The following NEIL3 variants were observed in gnomAD, a reference collection of about 807,000 sequenced individuals.
NEIL3 encodes the protein endonuclease 8-like 3.
In NEIL3, 48 loss-of-function variants were observed where a neutral mutation model predicts 57.5. The ratio of observed to expected loss-of-function variants is 0.83; its 90% CI spans 0.66 to 1.06. NEIL3 has a LOEUF of 1.06. Ranked by LOEUF, NEIL3 falls within the 50% of genes least tolerant of loss-of-function variation. The pLI, the probability that NEIL3 is intolerant of heterozygous loss-of-function variation, is 0.00. For synonymous variants in NEIL3, 261 were observed against 253.2 expected, an observed-to-expected ratio of 1.03 and a Z score of -0.29; for missense variants, 717 against 739.1, an observed-to-expected ratio of 0.97 and a Z score of 0.35.
At chr4:177,367,147 C>T (rs1198331873), downstream of NEIL3, among the ~76,000 whole-genome samples, 1 of 152,128 alleles carries the variant, frequency 6.6e-6, no homozygotes, top group Non-Finnish European at 1.5e-5. Context: ...CTCAGTATTG[C>T]CCTCAGTTGA....
At position 177,353,622 on chromosome 4, in the gene NEIL3, A is replaced by G. The variant is rs1255702136; in HGVS notation, c.1354A>G (p.Thr452Ala). ...ATCCAGCAAAGTAAACATATCACCT[A>G]CAATCAGTTCAGAATCTAAATTATT... ...QPSSKVNISP[T>A]ISSESKLFSP... Residue 452 changes from threonine to alanine, a missense_variant, in exon 8 of 10, where the codon ACA becomes GCA. Transcript: ENST00000264596. 1.9e-6 allele frequency: 3 copies of G among 1,613,740 alleles called. No homozygotes were observed. The highest frequency in any genetic ancestry group is 3.3e-5 in the Admixed American group (2 of 60,008).
At chr4:177,370,483 C>T in the NEIL3 span, among the ~76,000 whole-genome samples, 16 of 152,090 alleles carry the variant, frequency 1.1e-4, no homozygotes, top group Non-Finnish European at 2.1e-4. Context: ...AAATCCTGTA[C>T]TCAAAGGAGG....
chr4:177,326,478 TTTAAA>T (rs1335228643), intron 2 of NEIL3, among the ~76,000 whole-genome samples: 13 of 152,134 alleles, frequency 8.5e-5, no homozygotes, highest in African/African-American at 3.1e-4. Flanking sequence ...TTAAAGTCAG[TTTAAA>T]TTAAGTAGTG....
intron 8 of NEIL3, among the ~76,000 whole-genome samples, chr4:177,358,864 T>TA (rs1735543558): frequency 6.6e-6 from 1 of 152,202 alleles, no homozygotes; most frequent in African/African-American, 2.4e-5. Context: ...AAATAATATA[T>TA]AAAACTGTTT....
chr4:177,321,694 GA>G (rs1578988542), intron 1 of NEIL3, among the ~76,000 whole-genome samples: 1 of 152,152 alleles, frequency 6.6e-6, no homozygotes, highest in Non-Finnish European at 1.5e-5. Context: ...GCTGATGGGG[GA>G]AAGGGAATAT....
At chr4:177,364,115 T>C (rs1442351540), downstream of NEIL3, among the ~76,000 whole-genome samples, 1 of 152,122 alleles carries the variant, frequency 6.6e-6, no homozygotes, top group East Asian at 1.9e-4. Flanking sequence ...CAAAAACAAG[T>C]TCCTGTTTGG....
intron 7 of NEIL3, 97 bp downstream of exon 7, chr4:177,351,646 C>A (rs1735355772): frequency 1.0e-6 from 1 of 961,334 alleles, no homozygotes; most frequent in Non-Finnish European, 1.5e-6. Context: ...TATTCCATAA[C>A]TAAATAAAAT....
At chr4:177,330,058 C>G (rs1312166899) in intron 2 of NEIL3, among the ~76,000 whole-genome samples, 1 of 152,102 alleles carries the variant, frequency 6.6e-6, no homozygotes, top group Non-Finnish European at 1.5e-5. Context: ...ATTACAGACG[C>G]CTGCTACCAT....
intron 4 of NEIL3, among the ~76,000 whole-genome samples, chr4:177,337,188 G>A (rs1734995960): frequency 6.6e-6 from 1 of 152,108 alleles, no homozygotes; most frequent in South Asian, 2.1e-4. Flanking sequence ...AGAGAGGTGA[G>A]AACCCTAACC....
downstream of NEIL3, among the ~76,000 whole-genome samples, chr4:177,364,917 ACT>A (rs1175202409): frequency 6.8e-6 from 1 of 146,246 alleles, no homozygotes; most frequent in Non-Finnish European, 1.5e-5. Flanking sequence ...ACAGAGTGAG[ACT>A]CTGTCTCAAA....
intron 1 of NEIL3, among the ~76,000 whole-genome samples, chr4:177,315,827 AT>A (rs1734564471): frequency 6.6e-6 from 1 of 152,226 alleles, no homozygotes; most frequent in African/African-American, 2.4e-5. Context: ...CAAGTATATT[AT>A]CCAGAGCTGA....
intron 2 of NEIL3, among the ~76,000 whole-genome samples, chr4:177,333,204 A>G (rs992874991): frequency 6.6e-6 from 1 of 152,126 alleles, no homozygotes; most frequent in Non-Finnish European, 1.5e-5. Flanking sequence ...TGTAGTTGTC[A>G]TTAATGTGAA....
At chr4:177,361,761 C>T (rs1408528925) in intron 9 of NEIL3, among the ~76,000 whole-genome samples, 1 of 152,040 alleles carries the variant, frequency 6.6e-6, no homozygotes, top group Non-Finnish European at 1.5e-5. Context: ...AAAATCATGA[C>T]AAATCTTTGA....
rs571632372 is a variant in NEIL3, at chr4:177,348,961, G to A, written c.870-2419G>A. Among the ~76,000 whole-genome samples, 629 of 138,958 alleles carry A rather than the reference G, an allele frequency of 4.5e-3. 5 individuals carry two copies. Among genetic ancestry groups the A allele is most frequent in the African/African-American group, 0.016 (593 of 37,716 alleles). The allele number at this position is 138,958 out of a possible 152,430, so 91.2% of individuals were successfully genotyped here. A position where few individuals can be genotyped will look rare whatever the true frequency, so the allele number is the denominator to read the frequency against. On this transcript the variant is annotated intron_variant, in intron 6 of 9. Transcript: ENST00000264596. ...GGGCTCACTTCAAGCTCCGCCTCCC[G>A]GGTTCACGCCATTCTCCTGCCTCAG...
intron 2 of NEIL3, among the ~76,000 whole-genome samples, chr4:177,326,953 T>A (rs1342264825): frequency 6.6e-6 from 1 of 152,204 alleles, no homozygotes; most frequent in Admixed American, 6.5e-5. Context: ...TGAATTGTAA[T>A]TCCCATGTGT....
chr4:177,335,113 T>C (rs1734949974), intron 2 of NEIL3, among the ~76,000 whole-genome samples: 2 of 151,428 alleles, frequency 1.3e-5, no homozygotes, highest in Admixed American at 1.3e-4. Flanking sequence ...ATACGTAAGA[T>C]TTTGCAAAAA....
chr4:177,370,674 G>T, the NEIL3 span, among the ~76,000 whole-genome samples: 49 of 152,220 alleles, frequency 3.2e-4, no homozygotes, highest in African/African-American at 1.2e-3. Flanking sequence ...GCCGAAGCAG[G>T]CAGATCACTT....
At chr4:177,324,057 G>A (rs1475675511) in intron 2 of NEIL3, among the ~76,000 whole-genome samples, 1 of 152,138 alleles carries the variant, frequency 6.6e-6, no homozygotes, top group Non-Finnish European at 1.5e-5. Flanking sequence ...GTTGGAATCT[G>A]AACCTAAAAT....
intron 6 of NEIL3, among the ~76,000 whole-genome samples, chr4:177,348,764 T>C (rs1052057656): frequency 6.6e-6 from 1 of 151,842 alleles, no homozygotes; most frequent in Admixed American, 6.6e-5. Flanking sequence ...GTGTTAAGGA[T>C]GACTTCTAGG....
Sources: gnomAD v4.1 joint callset for allele counts (sites outside exome capture counted in the v4.1 genomes callset) on GRCh38, gnomAD v4.1.1 for gene constraint, MANE v1.5 for transcripts, NCBI Gene and HGNC (gene_info 2026-07-23, HGNC 2026-07-21) for gene names.